The following ASTN1 variants were observed in gnomAD, a reference collection of about 807,000 sequenced individuals.
The protein encoded by ASTN1 is astrotactin 1.
A neutral mutation model predicts 140.7 loss-of-function variants in ASTN1; 41 were observed. That is an observed-to-expected ratio of 0.29 (90% CI 0.23 to 0.38). ASTN1 has a LOEUF of 0.38. Among genes scored for constraint, ASTN1 ranks in the 10% least tolerant of loss-of-function variants. ASTN1 has a pLI of 1.00. For synonymous variants in ASTN1, 640 were observed against 652.2 expected, an observed-to-expected ratio of 0.98 and a Z score of 0.29; for missense variants, 1,479 against 1,678.8, an observed-to-expected ratio of 0.88 and a Z score of 2.08.
intron 8 of ASTN1, among the ~76,000 whole-genome samples, chr1:176,995,857 C>T (rs930968454): frequency 2.0e-5 from 3 of 152,088 alleles, no homozygotes; most frequent in African/African-American, 7.2e-5. Flanking sequence ...GATAAAATGC[C>T]AGCCCAAGAG....
At chr1:177,083,259 T>G (rs1203780336) in intron 1 of ASTN1, among the ~76,000 whole-genome samples, 1 of 152,122 alleles carries the variant, frequency 6.6e-6, no homozygotes, top group Non-Finnish European at 1.5e-5. Context: ...TGTTTTTGGT[T>G]GTCTGGGCAG....
rs754019374 is a variant in ASTN1 at position 176,921,000 on chromosome 1, A to G, written c.2671+13152T>C. ...GGAAATTTCCAAGAGAGAGAAGTTA[A>G]TCAGATTGGAAAACTGTCTACTTAT... On this transcript the variant is annotated intron_variant, in intron 16 of 22. Transcript: ENST00000361833. Among the ~76,000 whole-genome samples, 68 of 152,340 alleles carry G rather than the reference A, an allele frequency of 4.5e-4. 1 individual carries two copies. The highest frequency in any genetic ancestry group is 8.8e-4 in the Non-Finnish European group (60 of 68,032).
chr1:177,026,345 C>A (rs562136873), intron 5 of ASTN1, among the ~76,000 whole-genome samples: 2 of 152,342 alleles, frequency 1.3e-5, no homozygotes, highest in South Asian at 4.1e-4. Flanking sequence ...CTCTCACCAC[C>A]TTCTCTCAAA....
chr1:176,991,536 C>A (rs1293870862), intron 8 of ASTN1, among the ~76,000 whole-genome samples: 1 of 143,774 alleles, frequency 7.0e-6, no homozygotes, highest in Non-Finnish European at 1.5e-5. Context: ...AGAATTAAAA[C>A]GGAGATGAAG....
chr1:176,891,092 A>G (rs1669243774), intron 17 of ASTN1, among the ~76,000 whole-genome samples: 2 of 152,240 alleles, frequency 1.3e-5, no homozygotes, highest in Non-Finnish European at 2.9e-5. Context: ...GCTGCAGGTA[A>G]CTGCAAACTG....
chr1:177,148,635 T>C (rs1273360574), intron 1 of ASTN1, among the ~76,000 whole-genome samples: 1 of 151,982 alleles, frequency 6.6e-6, no homozygotes, highest in African/African-American at 2.4e-5. Flanking sequence ...TTCTTCTTTT[T>C]TTTTTAATGC....
chr1:176,868,580 C>A (rs1229639067), intron 22 of ASTN1, among the ~76,000 whole-genome samples: 1 of 152,130 alleles, frequency 6.6e-6, no homozygotes, highest in Non-Finnish European at 1.5e-5. Context: ...GCAATGTCAA[C>A]ATGATAAAAA....
chr1:177,056,245 T>A (rs1677796777), intron 2 of ASTN1, among the ~76,000 whole-genome samples: 1 of 152,210 alleles, frequency 6.6e-6, no homozygotes, highest in African/African-American at 2.4e-5. Flanking sequence ...ACAGTGCCCA[T>A]TTTATTTGCT....
intron 14 of ASTN1, among the ~76,000 whole-genome samples, chr1:176,938,365 A>C (rs1022275538): frequency 7.2e-4 from 109 of 152,362 alleles, no homozygotes; most frequent in African/African-American, 2.6e-3. Flanking sequence ...TTAGTTTGAA[A>C]AGTTTATTTA....
At chr1:177,126,527 C>T (rs368124837) in intron 1 of ASTN1, among the ~76,000 whole-genome samples, 7 of 152,058 alleles carry the variant, frequency 4.6e-5, no homozygotes, top group Non-Finnish European at 1.0e-4. Flanking sequence ...TAATAAAGGA[C>T]GAATGGAAAA....
chr1:176,879,551 C>T (rs916898162), intron 20 of ASTN1, among the ~76,000 whole-genome samples: 11 of 152,130 alleles, frequency 7.2e-5, no homozygotes, highest in African/African-American at 2.7e-4. Flanking sequence ...CCTTCTCTCT[C>T]AGTCAATCCC....
intron 2 of ASTN1, among the ~76,000 whole-genome samples, chr1:177,049,538 G>T (rs1356192736): frequency 6.6e-6 from 1 of 152,144 alleles, no homozygotes; most frequent in African/African-American, 2.4e-5. Context: ...CTATGTAGAT[G>T]AGCAAACTGA....
At chr1:177,104,293 T>C (rs1476792107) in intron 1 of ASTN1, among the ~76,000 whole-genome samples, 1 of 152,156 alleles carries the variant, frequency 6.6e-6, no homozygotes, top group Non-Finnish European at 1.5e-5. Context: ...TTTTGACAAT[T>C]CTTTATTAGT....
At chr1:176,868,803 T>C (rs984251855) in intron 22 of ASTN1, 41 bp downstream of exon 22, 2 of 1,540,868 alleles carry the variant, frequency 1.3e-6, no homozygotes, top group African/African-American at 2.7e-5. Flanking sequence ...GTACAAAATT[T>C]CAAGAAGTCT....
intron 11 of ASTN1, among the ~76,000 whole-genome samples, chr1:176,952,715 C>T (rs776625226): frequency 7.9e-5 from 12 of 152,152 alleles, no homozygotes; most frequent in Non-Finnish European, 1.6e-4. Flanking sequence ...GTGTTTGTTG[C>T]CAGAGTCCTG....
At position 177,002,414 on chromosome 1, in the gene ASTN1, CACAT is replaced by C. The variant is rs1210902181; in HGVS notation, c.1523+12373_1523+12376del. On this transcript the variant is annotated intron_variant, in intron 8 of 22. Transcript: ENST00000361833. ...ACACACACACACACACACACACACA[CACAT>C]GAACAAATCAAGAGACAGAACAATA... 1.1e-3 allele frequency among the ~76,000 whole-genome samples: 121 copies of C among 112,708 alleles called. 2 individuals carry two copies. In the Middle Eastern group the frequency reaches 0.019, roughly 17 times the overall value. The allele number at this position is 112,708 out of a possible 152,430, so 73.9% of individuals were successfully genotyped here.
At chr1:177,013,090 C>A (rs1323236084) in intron 8 of ASTN1, among the ~76,000 whole-genome samples, 1 of 152,154 alleles carries the variant, frequency 6.6e-6, no homozygotes, top group Non-Finnish European at 1.5e-5. Context: ...GCACATCTAT[C>A]AGCCAAACCT....
At chr1:177,066,569 C>T (rs547042455) in intron 1 of ASTN1, among the ~76,000 whole-genome samples, 1 of 152,278 alleles carries the variant, frequency 6.6e-6, no homozygotes, top group South Asian at 2.1e-4. Context: ...CTTCCCTATA[C>T]CATCCAAGTG....
At chr1:176,979,091 G>A (rs1282894020) in intron 8 of ASTN1, among the ~76,000 whole-genome samples, 1 of 152,176 alleles carries the variant, frequency 6.6e-6, no homozygotes, top group Non-Finnish European at 1.5e-5. Flanking sequence ...AAGGGAAACA[G>A]TCCTGGAGCA....
Sources: allele counts gnomAD v4.1 joint callset (sites outside exome capture counted in the v4.1 genomes callset), GRCh38; gene constraint gnomAD v4.1.1; transcripts MANE v1.5; gene names NCBI Gene and HGNC (gene_info 2026-07-23, HGNC 2026-07-21).